Variants in HEATR1 observed in about 807,000 individuals in gnomAD.
The protein encoded by HEATR1 is HEAT repeat containing 1, also known as HEAT repeat-containing protein 1.
Under a neutral mutation model 248.2 loss-of-function variants are expected in HEATR1, and 77 were observed. The ratio of observed to expected loss-of-function variants is 0.31; its 90% CI spans 0.26 to 0.37. The LOEUF (loss-of-function observed/expected upper bound fraction) is 0.37. Ranked by LOEUF, HEATR1 falls within the 10% of genes least tolerant of loss-of-function variation. HEATR1 has a pLI of 1.00. For synonymous variants in HEATR1, 897 were observed against 923.1 expected (o/e 0.97, Z 0.51); for missense variants, 2,420 against 2,504.9 (o/e 0.97, Z 0.72).
chr1:236,574,034 T>C (rs1663500075), intron 24 of HEATR1, 168 bp downstream of exon 24: 3 of 482,702 alleles, frequency 6.2e-6, no homozygotes, highest in Non-Finnish European at 1.1e-5. Flanking sequence ...GGTAAAGATT[T>C]AAAATTTTTA....
intron 3 of HEATR1, among the ~76,000 whole-genome samples, chr1:236,601,680 A>AC (rs60766297): frequency 5.7e-4 from 85 of 148,246 alleles, no homozygotes; most frequent in Middle Eastern, 6.8e-3. Flanking sequence ...AAACAAACAA[A>AC]AAAAAAACTA....
chr1:236,596,680 T>TA (rs1664184791), intron 6 of HEATR1, among the ~76,000 whole-genome samples, 156 bp downstream of exon 6: 1 of 152,134 alleles, frequency 6.6e-6, no homozygotes, highest in Non-Finnish European at 1.5e-5. Context: ...GAGTTTCTAA[T>TA]AAAAAAGTGT....
At chr1:236,563,149 T>A (rs989323831) in intron 32 of HEATR1, among the ~76,000 whole-genome samples, 2 of 152,260 alleles carry the variant, frequency 1.3e-5, no homozygotes, top group African/African-American at 4.8e-5. Flanking sequence ...TGTCCCTGAC[T>A]GTAGCAGGCA....
In HEATR1 at chr1:236,595,988, C is replaced by A. The variant is rs371280584; in HGVS notation, c.801G>T (p.Gln267His). The A allele has an allele frequency of 4.0e-5, 65 of 1,613,744 alleles. No homozygotes were observed. The highest frequency in any genetic ancestry group is 5.0e-5 in the Non-Finnish European group (59 of 1,179,836). Residue 267 changes from glutamine (Q) to histidine (H), a missense_variant, in exon 7 of 45, where the codon CAG (glutamine) becomes CAT (histidine). Transcript: ENST00000366582. ...TTTCCATGGTCACTTTCACAGAAAT[C>A]TGACATATTATCATGTATGTTGCAG... Reference protein sequence around the residue: ...YRAATYMIICQISVKVTMENT... With the variant: ...YRAATYMIICHISVKVTMENT...
chr1:236,555,713 G>C, intron 39 of HEATR1, 58 bp from the exon 40 acceptor site: 1 of 1,604,148 alleles, frequency 6.2e-7, no homozygotes, highest in Non-Finnish European at 8.5e-7. Context: ...AATTATTTTG[G>C]CAAGTACCAC....
intron 17 of HEATR1, among the ~76,000 whole-genome samples, chr1:236,584,656 T>C (rs1220004226): frequency 6.6e-6 from 1 of 152,218 alleles, no homozygotes; most frequent in Admixed American, 6.5e-5. Flanking sequence ...AAAAGATCTA[T>C]TTTTAGTAAA....
chr1:236,593,900 A>C lies in HEATR1; in HGVS notation c.1193+112T>G, dbSNP rs2564738. On this transcript the variant is annotated intron_variant, in intron 9 of 44. Coordinates refer to ENST00000366582, the MANE Select transcript of HEATR1 (RefSeq NM_018072.6). The stretch of plus-strand genomic sequence containing the variant: ...ACTTATAGTTAATGAAATGATACAG[A>C]CAAAACAAGATATACATTAAAAAGG... The C allele has an allele frequency of 2.0e-5, 14 of 698,170 alleles. 1 individual carries two copies. In the South Asian group the frequency reaches 2.5e-4, roughly 13 times the overall value. 43.2% of individuals were successfully genotyped at this position (698,170 alleles called of 1,614,324 possible).
chr1:236,566,512 GAAAAAGGTTCTGAGC>G, intron 30 of HEATR1, 119 bp downstream of exon 30: 1 of 705,882 alleles, frequency 1.4e-6, no homozygotes, highest in African/African-American at 1.8e-5. Context: ...AAACCTTTTT[GAAAAAGGTTCTGAGC>G]AAAAAGGTTC....
At position 236,594,898 on chromosome 1, in the gene HEATR1, AG is replaced by A. The variant is rs1664130774; in HGVS notation, c.1090+641del. Among the ~76,000 whole-genome samples, 6 of 152,252 alleles carry A rather than the reference AG, an allele frequency of 3.9e-5. No homozygotes were observed. In the South Asian group the frequency reaches 1.2e-3, roughly 32 times the overall value. On this transcript the variant is annotated intron_variant, in intron 8 of 44. Transcript: ENST00000366582. ...CTGTAGCCTCGAACTCCCTGGACTCAGGTGATCCTCCCACCTCAGTCTCCCG... is the reference window on the plus strand; with the variant it reads ...CTGTAGCCTCGAACTCCCTGGACTCAGTGATCCTCCCACCTCAGTCTCCCG...
intron 20 of HEATR1, among the ~76,000 whole-genome samples, chr1:236,577,200 A>G (rs1443255008): frequency 1.3e-5 from 2 of 152,198 alleles, no homozygotes; most frequent in Admixed American, 1.3e-4. Flanking sequence ...TGAGCTGGAC[A>G]TTGCGCAATG....
intron 32 of HEATR1, among the ~76,000 whole-genome samples, chr1:236,561,724 G>A (rs1041508473): frequency 5.3e-5 from 8 of 152,086 alleles, no homozygotes; most frequent in Admixed American, 3.3e-4. Flanking sequence ...TACATATCAC[G>A]GAACAACATG....
At chr1:236,593,682 C>T (rs767334296) in intron 9 of HEATR1, among the ~76,000 whole-genome samples, 9 of 150,744 alleles carry the variant, frequency 6.0e-5, no homozygotes, top group Non-Finnish European at 1.0e-4. Flanking sequence ...ACATTTACTG[C>T]GTTTTAATTG....
chr1:236,575,007 G>A lies in HEATR1; in HGVS notation c.3085-104C>T, dbSNP rs1262325800. 4 of 1,143,160 alleles carry A rather than the reference G, an allele frequency of 3.5e-6. No individual in the cohort carries two copies. In the African/African-American group the frequency reaches 4.7e-5, roughly 13 times the overall value. The allele number at this position is 1,143,160 out of a possible 1,614,324, so 70.8% of individuals were successfully genotyped here. On this transcript the variant is annotated intron_variant, in intron 22 of 44. Coordinates refer to ENST00000366582, the MANE Select transcript of HEATR1 (RefSeq NM_018072.6). ...CTGCTGGAAGATGGGAGTTTAGCCT[G>A]GAGGAAAAAACCCAATGATGGTAAC... is the stretch of plus-strand genomic sequence containing the variant.
chr1:236,552,773 C>G (rs1028667035), intron 43 of HEATR1: 5 of 152,200 alleles, frequency 3.3e-5, no homozygotes, highest in African/African-American at 1.2e-4. Context: ...AATATCTGGA[C>G]AGTACAAAGT....
In HEATR1 at chr1:236,553,616, G is replaced by C. The variant is rs750045686; in HGVS notation, c.6202C>G (p.Gln2068Glu). 5 of 1,613,858 alleles carry C rather than the reference G, an allele frequency of 3.1e-6. No individual in the cohort carries two copies. The highest frequency in any genetic ancestry group is 4.2e-6 in the Non-Finnish European group (5 of 1,179,950). ...DDSLWKPLNYQILLKTRDSSP... is the reference protein window; with the variant it reads ...DDSLWKPLNYEILLKTRDSSP... ...GAGTCTCTCGTCTTTAGCAGAATCT[G>C]GTAGTTCAGTGGTTTCCAAAGAGAG... Residue 2068 changes from glutamine (Q) to glutamate (E), a missense_variant, in exon 43 of 45, where the codon CAG (glutamine) becomes GAG (glutamate). Physicochemically the swap from Gln to Glu is conservative, Grantham distance 29. Transcript: ENST00000366582.
chr1:236,581,061 G>A (rs1663722875), intron 20 of HEATR1, among the ~76,000 whole-genome samples, 161 bp downstream of exon 20: 1 of 151,310 alleles, frequency 6.6e-6, no homozygotes, highest in African/African-American at 2.4e-5. Flanking sequence ...CTCATGATCT[G>A]CCTGCTTCGG....
At chr1:236,599,070 C>G (rs1446919938) in intron 4 of HEATR1, among the ~76,000 whole-genome samples, 1 of 152,176 alleles carries the variant, frequency 6.6e-6, no homozygotes, top group Non-Finnish European at 1.5e-5. Flanking sequence ...TAAGTATTTT[C>G]TGCCTTTCTT....
At chr1:236,579,582 T>G (rs1457848217) in intron 20 of HEATR1, among the ~76,000 whole-genome samples, 1 of 152,202 alleles carries the variant, frequency 6.6e-6, no homozygotes, top group Non-Finnish European at 1.5e-5. Flanking sequence ...ATTTTTCCAT[T>G]TATTAATATG....
chr1:236,603,110 C>T, intron 3 of HEATR1, 50 bp downstream of exon 3: 1 of 1,430,960 alleles, frequency 7.0e-7, no homozygotes, highest in East Asian at 2.3e-5. Context: ...TAATTTTTTA[C>T]AAGACCAAAG....
Sources: allele counts gnomAD v4.1 joint callset (sites outside exome capture counted in the v4.1 genomes callset), GRCh38; gene constraint gnomAD v4.1.1; transcripts MANE v1.5; gene names NCBI Gene and HGNC (gene_info 2026-07-23, HGNC 2026-07-21).